Variants in AUH observed in about 807,000 individuals in gnomAD.
AUH encodes the protein AU RNA binding methylglutaconyl-CoA hydratase.
AUH carries 29 observed loss-of-function variants against 42.3 expected under a neutral mutation model. The observed-to-expected ratio is 0.69, with a 90% confidence interval of 0.51 to 0.93. The LOEUF (loss-of-function observed/expected upper bound fraction) is 0.93. AUH is among the 40% of genes least tolerant of loss of function. The pLI is 0.00. For missense variants in AUH, 452 were observed against 438.1 expected (o/e 1.03, Z -0.28); for synonymous variants, 174 against 166.4 (o/e 1.05, Z -0.35).
chr9:91,275,132 T>A (rs894500356), intron 6 of AUH, among the ~76,000 whole-genome samples: 4 of 152,246 alleles, frequency 2.6e-5, no homozygotes, highest in African/African-American at 9.6e-5. Context: ...TATTCATTCC[T>A]GTCATCCTCC....
At chr9:91,298,173 G>C (rs913830593) in intron 4 of AUH, 97 bp from the exon 5 acceptor site, 6 of 909,956 alleles carry the variant, frequency 6.6e-6, no homozygotes, top group Non-Finnish European at 1.1e-5. Flanking sequence ...TGCTTTAAAT[G>C]GGAGATCATA....
At chr9:91,321,010 T>G (rs1829528193) in intron 4 of AUH, among the ~76,000 whole-genome samples, 1 of 152,240 alleles carries the variant, frequency 6.6e-6, no homozygotes, top group Non-Finnish European at 1.5e-5. Context: ...TGTTTTTAAG[T>G]GCATACAAGT....
At chr9:91,361,598 C>T (rs1474130749) in intron 1 of AUH, 30 bp downstream of exon 1, 2 of 1,565,454 alleles carry the variant, frequency 1.3e-6, no homozygotes. Context: ...CCGCCCGCTG[C>T]CCCGCGCCTG....
intron 1 of AUH, among the ~76,000 whole-genome samples, chr9:91,358,948 C>T (rs1487279110): frequency 1.3e-5 from 2 of 152,032 alleles, no homozygotes; most frequent in Non-Finnish European, 2.9e-5. Context: ...TTATAACTGT[C>T]TCACTTTAAT....
intron 4 of AUH, among the ~76,000 whole-genome samples, chr9:91,321,678 C>A (rs2131837290): frequency 6.6e-6 from 1 of 152,176 alleles, no homozygotes; most frequent in Non-Finnish European, 1.5e-5. Context: ...AGACCCACTG[C>A]CTGTTTTAGT....
At chr9:91,292,526 G>A (rs888704532) in intron 6 of AUH, among the ~76,000 whole-genome samples, 1 of 151,738 alleles carries the variant, frequency 6.6e-6, no homozygotes, top group Admixed American at 6.6e-5. Flanking sequence ...TGATCCACCC[G>A]CCTCGGCCTC....
At chr9:91,361,528 C>T in intron 1 of AUH, 100 bp downstream of exon 1, 1 of 1,488,922 alleles carries the variant, frequency 6.7e-7, no homozygotes, top group Non-Finnish European at 9.0e-7. Flanking sequence ...GCCTGCCTGA[C>T]CTCGACCCCG....
At chr9:91,233,716 A>G (rs917912420) in intron 6 of AUH, among the ~76,000 whole-genome samples, 1 of 152,234 alleles carries the variant, frequency 6.6e-6, no homozygotes, top group African/African-American at 2.4e-5. Flanking sequence ...ACAAAGATCA[A>G]TAACAAGTAA....
rs542654610 is a variant in AUH, at chr9:91,328,502, G to C, written c.419-3098C>G. Among the ~76,000 whole-genome samples, 208 of 152,252 alleles carry C rather than the reference G, an allele frequency of 1.4e-3. 1 individual carries two copies. In the Middle Eastern group the frequency reaches 0.02, roughly 15 times the overall value. ...CATACACTGAGTTATAAACTGGTCG[G>C]GTAAAGAGGGTATAAAAGCCGTAGC... On this transcript the variant is annotated intron_variant, in intron 3 of 9. Transcript: ENST00000375731.
chr9:91,298,523 T>C (rs753537217), intron 4 of AUH, among the ~76,000 whole-genome samples: 114 of 152,222 alleles, frequency 7.5e-4, no homozygotes, highest in Non-Finnish European at 1.2e-3. Flanking sequence ...GAAAGACATC[T>C]GCTCAAACAA....
chr9:91,276,587 C>T (rs886953107), intron 6 of AUH, among the ~76,000 whole-genome samples: 2 of 151,936 alleles, frequency 1.3e-5, no homozygotes, highest in Non-Finnish European at 2.9e-5. Flanking sequence ...ATTATTTTTT[C>T]GAAACTCAAC....
intron 6 of AUH, among the ~76,000 whole-genome samples, chr9:91,247,775 C>T (rs1480331200): frequency 6.6e-6 from 1 of 152,162 alleles, no homozygotes; most frequent in Non-Finnish European, 1.5e-5. Context: ...TGATGTAGAG[C>T]ATCTTTTTAT....
chr9:91,325,509 A>C, intron 3 of AUH, 105 bp from the exon 4 acceptor site: 1 of 906,834 alleles, frequency 1.1e-6, no homozygotes, highest in South Asian at 1.4e-5. Flanking sequence ...AGATCAGCCT[A>C]ATTCATCTTT....
chr9:91,321,831 C>A (rs981720489), intron 4 of AUH, among the ~76,000 whole-genome samples: 7 of 152,118 alleles, frequency 4.6e-5, no homozygotes, highest in African/African-American at 1.4e-4. Flanking sequence ...TGGAACAGAG[C>A]CACACACATT....
intron 6 of AUH, among the ~76,000 whole-genome samples, chr9:91,235,461 C>T (rs997527949): frequency 3.3e-5 from 5 of 152,154 alleles, no homozygotes; most frequent in Non-Finnish European, 7.3e-5. Flanking sequence ...GGAAGCTGTG[C>T]TCTGGCCAAG....
At chr9:91,226,471 G>C (rs1827491012) in intron 6 of AUH, among the ~76,000 whole-genome samples, 1 of 151,848 alleles carries the variant, frequency 6.6e-6, no homozygotes, top group Non-Finnish European at 1.5e-5. Flanking sequence ...AGATGAGTAG[G>C]TTGCAAACAT....
At chr9:91,357,479 C>A (rs184042847) in intron 1 of AUH, 1 of 966,746 alleles carries the variant, frequency 1.0e-6, no homozygotes, top group Non-Finnish European at 1.2e-6. Context: ...ATACTGAGTA[C>A]GTACTATAGT....
intron 6 of AUH, among the ~76,000 whole-genome samples, chr9:91,283,354 C>T (rs1185057180): frequency 6.6e-6 from 1 of 152,150 alleles, no homozygotes; most frequent in East Asian, 1.9e-4. Flanking sequence ...CAGCCAATAT[C>T]ATACTGAATA....
intron 3 of AUH, among the ~76,000 whole-genome samples, chr9:91,329,833 T>G (rs1458655715): frequency 6.6e-6 from 1 of 152,102 alleles, no homozygotes; most frequent in African/African-American, 2.4e-5. Context: ...CTTAGCAAAT[T>G]AGGAAGAAAA....
Sources: gnomAD v4.1 joint callset for allele counts (sites outside exome capture counted in the v4.1 genomes callset) on GRCh38, gnomAD v4.1.1 for gene constraint, MANE v1.5 for transcripts, NCBI Gene and HGNC (gene_info 2026-07-23, HGNC 2026-07-21) for gene names.